The following CCDC61 variants were observed in gnomAD, a reference collection of about 807,000 sequenced individuals.
The protein encoded by CCDC61 is centrosomal protein CCDC61.
In CCDC61, 55 loss-of-function variants were observed where a neutral mutation model predicts 63.0. That is an observed-to-expected ratio of 0.87 (90% confidence interval 0.70 to 1.09). The LOEUF (loss-of-function observed/expected upper bound fraction) is 1.09, where lower values mean the gene tolerates loss of function less well. Among genes scored for constraint, CCDC61 ranks in the 50% least tolerant of loss-of-function variants. CCDC61 has a pLI of 0.00. For missense variants in CCDC61, 651 were observed against 731.4 expected, an observed-to-expected ratio of 0.89 and a Z score of 1.27; for synonymous variants, 270 against 317.0, an observed-to-expected ratio of 0.85 and a Z score of 1.58.
chr19:46,015,225 G>T lies in CCDC61; in HGVS notation c.728G>T (p.Arg243Leu). The T allele has an allele frequency of 7.5e-7, 1 of 1,333,096 alleles. No individual in the cohort carries two copies. The highest frequency in any genetic ancestry group is 9.5e-7 in the Non-Finnish European group (1 of 1,047,532). The allele number at this position is 1,333,096 out of a possible 1,614,324, so 82.6% of individuals were successfully genotyped here. ...ERGLGHRVAG[R>L]RGQDCRRLAK... ...GGCCTCGGGCACAGGGTGGCCGGCC[G>T]TCGCGGCCAGGACTGCCGCCGTCTG... The change falls in exon 6 of 14, where the codon CGT becomes CTT. Residue 243 changes from arginine (R) to leucine (L), a missense_variant. Coordinates refer to ENST00000595358, the MANE Select transcript of CCDC61 (RefSeq NM_001267723.2). This position sits in a 1 kb window ranked among gnomAD's most constrained non-coding sequence, Gnocchi z 5.3.
intron 2 of CCDC61, 122 bp downstream of exon 2, chr19:46,003,288 G>T: frequency 7.0e-7 from 1 of 1,425,324 alleles, no homozygotes; most frequent in Non-Finnish European, 9.5e-7. Context: ...ACTCTCCAGT[G>T]TGGGGAGGGG....
Position 46,003,075 on chromosome 19 carries a change from C to T in CCDC61, c.57C>T (p.Ala19=), listed in dbSNP as rs375888330. ...VDYVFRGVEH[A]VRVMVSGQVL... is the part of the protein sequence containing the mutation. ...ACGTCTTCCGGGGTGTGGAGCATGC[C>T]GTGCGGGTGATGGTTTCTGGGCAGG... Residue 19 remains alanine (A), a synonymous_variant, in exon 2 of 14, where the codon GCC becomes GCT. Transcript: ENST00000595358. 2.0e-5 allele frequency: 32 copies of T among 1,607,406 alleles called. No individual in the cohort carries two copies. The Admixed American group carries it at 2.2e-4, about 11-fold the overall frequency.
Position 46,018,220 on chromosome 19 carries a change from A to T in CCDC61, c.1441+70A>T. 2 of 1,547,696 alleles carry T rather than the reference A, an allele frequency of 1.3e-6. No individual in the cohort carries two copies. The highest frequency in any genetic ancestry group is 2.7e-5 in the African/African-American group (2 of 73,092). ...TTGGAATGGTAGTGCGGGCAGTGGT[A>T]TATTGGGCCCAGGAACTCCCTGGGG... On this transcript the variant is annotated intron_variant, in intron 13 of 13. Transcript: ENST00000595358. This position sits in a 1 kb window ranked among gnomAD's most constrained non-coding sequence, Gnocchi z 4.2.
At position 46,015,337 on chromosome 19, in the gene CCDC61, C is replaced by G. The variant is rs760111878; in HGVS notation, c.763-8C>G. The G allele has an allele frequency of 1.3e-6, 2 of 1,599,004 alleles. No homozygotes were observed. Among genetic ancestry groups the G allele is most frequent in the Non-Finnish European group, 1.7e-6 (2 of 1,178,102 alleles). On this transcript the variant is annotated splice_polypyrimidine_tract_variant and splice_region_variant and intron_variant, in intron 6 of 13. Transcript: ENST00000595358. This position sits in a 1 kb window ranked among gnomAD's most constrained non-coding sequence, Gnocchi z 5.3. ...CTGGACCTCCGCGCCCCTCTCCCCT[C>G]CCGGCAGCTCGAGGAGGCGAAGGCA...
chr19:46,003,006 A>G lies in CCDC61; in HGVS notation c.-11-2A>G. 1 of 1,553,464 alleles carries G rather than the reference A, an allele frequency of 6.4e-7. No individual in the cohort carries two copies. The highest frequency in any genetic ancestry group is 8.7e-7 in the Non-Finnish European group (1 of 1,147,834). On this transcript the variant is annotated splice_acceptor_variant, in intron 1 of 13. Coordinates refer to ENST00000595358, the MANE Select transcript of CCDC61 (RefSeq NM_001267723.2). LOFTEE classifies it low-confidence loss of function (5UTR_SPLICE). ...AGGTTTCTCTCTCATCTCCTTCTCC[A>G]GCAACCTTGGCCATGGACCAGCCGG...
intron 12 of CCDC61, 149 bp from the exon 13 acceptor site, chr19:46,017,929 G>A (rs1051876842): frequency 6.1e-6 from 4 of 654,048 alleles, no homozygotes; most frequent in Non-Finnish European, 5.3e-6. Flanking sequence ...GAGGACATTA[G>A]GAGGTTATTT....
chr19:46,011,552 T>C (rs1400637965), intron 5 of CCDC61, among the ~76,000 whole-genome samples: 1 of 152,214 alleles, frequency 6.6e-6, no homozygotes, highest in Non-Finnish European at 1.5e-5. Flanking sequence ...AATGTCCTTC[T>C]CTGTCCCCTG....
At chr19:46,003,523 TGGGGTGGGA>T in intron 3 of CCDC61, 22 bp downstream of exon 3, 1 of 1,014,996 alleles carries the variant, frequency 9.9e-7, no homozygotes, top group Non-Finnish European at 1.4e-6. Flanking sequence ...GTTGGCGGGT[TGGGGTGGGA>T]GGGGGGTTCT....
intron 1 of CCDC61, among the ~76,000 whole-genome samples, chr19:45,998,306 C>A (rs1238035822): frequency 6.6e-6 from 1 of 152,196 alleles, no homozygotes; most frequent in Non-Finnish European, 1.5e-5. Context: ...TGGGCCCACC[C>A]CCAGAGTTTC....
chr19:46,014,995 A>C, intron 5 of CCDC61, 54 bp from the exon 6 acceptor site: 1 of 1,370,158 alleles, frequency 7.3e-7, no homozygotes, highest in Non-Finnish European at 9.8e-7. Flanking sequence ...CCCATGGAGT[A>C]GTGGGAATGG....
rs749049008 is a variant in CCDC61, at chr19:46,017,316, G to C, written c.1368+12G>C. 2 of 1,556,368 alleles carry C rather than the reference G, an allele frequency of 1.3e-6. No homozygotes were observed. Among genetic ancestry groups the C allele is most frequent in the South Asian group, 2.4e-5 (2 of 84,346 alleles). ...GTGGGTCCAATATGGTGAGTAGAAGGGGCAACATAAACCACTGGAACACAG... is the reference window on the plus strand; with the variant it reads ...GTGGGTCCAATATGGTGAGTAGAAGCGGCAACATAAACCACTGGAACACAG... On this transcript the variant is annotated intron_variant, in intron 12 of 13. Transcript: ENST00000595358.
intron 5 of CCDC61, among the ~76,000 whole-genome samples, chr19:46,010,481 G>A (rs1395349904): frequency 6.6e-6 from 1 of 152,178 alleles, no homozygotes; most frequent in African/African-American, 2.4e-5. Flanking sequence ...TAGGCTTCCC[G>A]GATGAGTGGA....
chr19:45,995,613 C>A, intron 1 of CCDC61, 109 bp downstream of exon 1: 1 of 374,432 alleles, frequency 2.7e-6, no homozygotes, highest in Non-Finnish European at 5.4e-6. Flanking sequence ...GCTGACCTGG[C>A]CTTGTAGGAA....
rs754231691 is a variant in CCDC61, at chr19:46,015,286, A to T, written c.762+27A>T. 6.5e-7 allele frequency: 1 copy of T among 1,549,856 alleles called. No homozygotes were observed. The highest frequency in any genetic ancestry group is 1.4e-5 in the African/African-American group (1 of 72,098). ...TGAGCAGCGGGGGCCCGGGGCGGCC[A>T]GCGAGGCGCGGACCTCGGCCTCAGC... On this transcript the variant is annotated intron_variant, in intron 6 of 13. Coordinates refer to ENST00000595358, the MANE Select transcript of CCDC61 (RefSeq NM_001267723.2). This position sits in a 1 kb window ranked among gnomAD's most constrained non-coding sequence, Gnocchi z 5.3.
intron 5 of CCDC61, among the ~76,000 whole-genome samples, chr19:46,010,629 C>T (rs570410915): frequency 7.9e-5 from 12 of 152,264 alleles, no homozygotes; most frequent in Admixed American, 6.5e-4. Flanking sequence ...AAGGAAAGCT[C>T]CTTGTTAGAG....
intron 4 of CCDC61, 40 bp downstream of exon 4, chr19:46,006,756 C>A: frequency 6.5e-7 from 1 of 1,547,260 alleles, no homozygotes; most frequent in Non-Finnish European, 8.8e-7. Context: ...GGCTGGTGGG[C>A]GGGGTGGGAG....
rs376562327 is a variant in CCDC61, at chr19:46,015,425, G to C, written c.843G>C (p.Arg281Ser). 8.0e-5 allele frequency: 128 copies of C among 1,598,700 alleles called. No homozygotes were observed. In the South Asian group the frequency reaches 1.1e-3, roughly 14 times the overall value. ...CCAGCGAGCTGGCATTGTACAAGAG[G>C]GGGTGAGAGCGAGGCCTGCCAGGCG... is the stretch of plus-strand genomic sequence containing the variant. ...TLTSELALYK[R>S]GRRTPPVQPP... The change falls in exon 7 of 14, where the codon AGG becomes AGC. Residue 281 changes from arginine (R) to serine (S), a missense_variant and splice_region_variant. Coordinates refer to ENST00000595358, the MANE Select transcript of CCDC61 (RefSeq NM_001267723.2). This position sits in a 1 kb window ranked among gnomAD's most constrained non-coding sequence, Gnocchi z 5.3.
chr19:46,017,564 G>C (rs550790565), intron 12 of CCDC61, among the ~76,000 whole-genome samples: 1 of 151,872 alleles, frequency 6.6e-6, no homozygotes, highest in African/African-American at 2.4e-5. Context: ...GGCAGGGTGG[G>C]GTTGAGACAG....
At chr19:46,008,331 C>CCGGGGGGGGG in intron 5 of CCDC61, 30 bp downstream of exon 5, 1 of 494,208 alleles carries the variant, frequency 2.0e-6, no homozygotes, top group East Asian at 5.5e-5. Flanking sequence ...GCAGCTGGGG[C>CCGGGGGGGGG]GGGTGGGGGC....
Sources: gnomAD v4.1 joint callset for allele counts (sites outside exome capture counted in the v4.1 genomes callset) on GRCh38, gnomAD v4.1.1 for gene constraint, Gnocchi (gnomAD v3.1) non-coding constraint, MANE v1.5 for transcripts, NCBI Gene and HGNC (gene_info 2026-07-23, HGNC 2026-07-21) for gene names.